The following ADAMTS9 variants were observed in gnomAD, a reference collection of about 807,000 sequenced individuals.
The protein encoded by ADAMTS9 is ADAM metallopeptidase with thrombospondin type 1 motif 9, also known as A disintegrin and metalloproteinase with thrombospondin motifs 9.
Under a neutral mutation model 257.1 loss-of-function variants are expected in ADAMTS9, and 107 were observed. That is an observed-to-expected ratio of 0.42 (90% CI 0.36 to 0.49). The LOEUF is 0.49. Among genes scored for constraint, ADAMTS9 ranks in the 20% least tolerant of loss-of-function variants. The pLI is 0.03. For synonymous variants in ADAMTS9, 982 were observed against 880.9 expected (o/e 1.11, Z -2.03); for missense variants, 2,353 against 2,469.1 (o/e 0.95, Z 1.00).
intron 32 of ADAMTS9, among the ~76,000 whole-genome samples, chr3:64,545,038 C>G (rs2083178498): frequency 6.6e-6 from 1 of 152,012 alleles, no homozygotes; most frequent in Non-Finnish European, 1.5e-5. Context: ...CAGAGAAAGG[C>G]AAATCAAAAC....
At chr3:64,594,148 G>T in intron 28 of ADAMTS9, 110 bp downstream of exon 28, 2 of 1,196,268 alleles carry the variant, frequency 1.7e-6, no homozygotes, top group Non-Finnish European at 2.3e-6. Context: ...TTATAGCAGA[G>T]TTTCTGGGAT....
At chr3:64,525,563 A>C in intron 38 of ADAMTS9, among the ~76,000 whole-genome samples, 1 of 152,190 alleles carries the variant, frequency 6.6e-6, no homozygotes, top group Non-Finnish European at 1.5e-5. Context: ...TTAAAAAAGG[A>C]AGATGAATAC....
At chr3:64,577,355 G>T (rs940226888) in intron 28 of ADAMTS9, among the ~76,000 whole-genome samples, 21 of 152,056 alleles carry the variant, frequency 1.4e-4, no homozygotes, top group Admixed American at 1.4e-3. Flanking sequence ...CCCTTTCAAG[G>T]TTTACCGGGT....
At chr3:64,549,231 C>A (rs1265739057) in intron 31 of ADAMTS9, among the ~76,000 whole-genome samples, 4 of 152,172 alleles carry the variant, frequency 2.6e-5, no homozygotes, top group Non-Finnish European at 5.9e-5. Context: ...GATACACCTG[C>A]AAATTTACAG....
chr3:64,539,826 G>GGA (rs920837553), intron 36 of ADAMTS9, among the ~76,000 whole-genome samples: 2 of 152,220 alleles, frequency 1.3e-5, no homozygotes, highest in African/African-American at 4.8e-5. Context: ...ATTGACAGCA[G>GGA]TTTCTCAAGT....
intron 38 of ADAMTS9, among the ~76,000 whole-genome samples, chr3:64,529,140 C>G (rs1041597977): frequency 6.6e-6 from 1 of 152,172 alleles, no homozygotes; most frequent in Non-Finnish European, 1.5e-5. Context: ...GAGGAAGACA[C>G]AGATTTAATG....
At chr3:64,671,425 A>C (rs1701484764) in intron 3 of ADAMTS9, among the ~76,000 whole-genome samples, 1 of 152,248 alleles carries the variant, frequency 6.6e-6, no homozygotes. Flanking sequence ...TATGCTAGGA[A>C]GGGTAAATGT....
In ADAMTS9 at chr3:64,515,748, T is replaced by G. The variant is rs1039734064; in HGVS notation, c.*1379A>C. ...TTCATATACTGAATATAACTTTTCC[T>G]GGAGCACTCTAGAGCTTGTTTGGAG... On this transcript the variant is annotated 3_prime_UTR_variant, in exon 40 of 40. Transcript: ENST00000498707. 3 of 152,204 alleles carry G rather than the reference T, an allele frequency of 2.0e-5. No homozygotes were observed. In the East Asian group the frequency reaches 5.8e-4, roughly 29 times the overall value. 9.4% of individuals were successfully genotyped at this position (152,204 alleles called of 1,614,324 possible). A position where few individuals can be genotyped will look rare whatever the true frequency, so the allele number is the denominator to read the frequency against.
intron 28 of ADAMTS9, among the ~76,000 whole-genome samples, chr3:64,578,834 A>G (rs2083923150): frequency 6.6e-6 from 1 of 152,032 alleles, no homozygotes; most frequent in South Asian, 2.1e-4. Flanking sequence ...CTTTGGCACT[A>G]TCTCAAAAAT....
intron 30 of ADAMTS9, among the ~76,000 whole-genome samples, chr3:64,558,592 G>C (rs1037719172): frequency 1.3e-5 from 2 of 152,102 alleles, no homozygotes; most frequent in Non-Finnish European, 2.9e-5. Flanking sequence ...GCCATGGTGA[G>C]GGTGCAGAAA....
intron 29 of ADAMTS9, among the ~76,000 whole-genome samples, chr3:64,564,617 G>GT (rs1173050329): frequency 6.8e-6 from 1 of 148,000 alleles, no homozygotes; most frequent in Non-Finnish European, 1.5e-5. Context: ...TTTTTTGTGT[G>GT]TGGGGGGGGC....
intron 8 of ADAMTS9, among the ~76,000 whole-genome samples, chr3:64,651,821 T>C (rs998952741): frequency 2.6e-5 from 4 of 152,144 alleles, no homozygotes; most frequent in African/African-American, 9.7e-5. Context: ...CCAGCACCAA[T>C]TGATTGGTAC....
At chr3:64,623,640 C>T (rs1700160783) in intron 16 of ADAMTS9, among the ~76,000 whole-genome samples, 1 of 152,176 alleles carries the variant, frequency 6.6e-6, no homozygotes, top group African/African-American at 2.4e-5. Context: ...TACACCAACC[C>T]AGACCATTAT....
chr3:64,654,201 C>T, intron 8 of ADAMTS9, 152 bp downstream of exon 8: 1 of 757,442 alleles, frequency 1.3e-6, no homozygotes, highest in Middle Eastern at 4.0e-4. Context: ...GTCATTTCAC[C>T]TAATTAGGTT....
At chr3:64,636,288 A>C (rs1576145331) in intron 12 of ADAMTS9, among the ~76,000 whole-genome samples, 1 of 152,188 alleles carries the variant, frequency 6.6e-6, no homozygotes, top group Non-Finnish European at 1.5e-5. Flanking sequence ...TTTTTTATAA[A>C]CACACAAAAA....
At chr3:64,582,920 G>A (rs1489755179) in intron 28 of ADAMTS9, 1 of 152,156 alleles carries the variant, frequency 6.6e-6, no homozygotes, top group African/African-American at 2.4e-5. Context: ...CAACTCTGAT[G>A]CTCAAGTCTG....
At chr3:64,654,742 A>G (rs985616515) in intron 6 of ADAMTS9, 130 bp from the exon 7 acceptor site, 2 of 954,326 alleles carry the variant, frequency 2.1e-6, no homozygotes, top group African/African-American at 1.7e-5. Flanking sequence ...AAGCAAATTC[A>G]TAAGACCAGA....
Position 64,622,463 on chromosome 3 carries a change from C to T in ADAMTS9, c.2513G>A (p.Arg838Lys). The part of the protein sequence containing the change: ...EYSGSETAVE[R>K]INSTDRIEQE... Reference sequence around the variant, plus strand: ...CTCAATGCGATCTGTTGAGTTAATTCTTTCTACGGCAGTCTCGGACCCACT... The same window carrying T: ...CTCAATGCGATCTGTTGAGTTAATTTTTTCTACGGCAGTCTCGGACCCACT... The change falls in exon 17 of 40, where the codon AGA becomes AAA. Residue 838 changes from arginine to lysine, a missense_variant. Transcript: ENST00000498707. The T allele has an allele frequency of 6.2e-7, 1 of 1,614,030 alleles. No individual in the cohort carries two copies. Among genetic ancestry groups the T allele is most frequent in the Non-Finnish European group, 8.5e-7 (1 of 1,179,978 alleles).
chr3:64,639,886 T>C (rs373727242), intron 12 of ADAMTS9, among the ~76,000 whole-genome samples: 4 of 152,306 alleles, frequency 2.6e-5, no homozygotes, highest in Admixed American at 6.5e-5. Context: ...TTATTTCATA[T>C]AATATGTATT....
Sources: gnomAD v4.1 joint callset for allele counts (sites outside exome capture counted in the v4.1 genomes callset) on GRCh38, gnomAD v4.1.1 for gene constraint, MANE v1.5 for transcripts, NCBI Gene and HGNC (gene_info 2026-07-23, HGNC 2026-07-21) for gene names.